The following WWOX variants were observed in gnomAD, a reference collection of about 807,000 sequenced individuals.
WWOX encodes the protein WW domain-containing oxidoreductase.
Under a neutral mutation model 46.2 loss-of-function variants are expected in WWOX, and 69 were observed. The ratio of observed to expected loss-of-function variants is 1.49; its 90% CI spans 1.23 to 1.82. The LOEUF (loss-of-function observed/expected upper bound fraction) is 1.82. Ranked by LOEUF, WWOX falls within the 40% of genes most tolerant of loss-of-function variation. The pLI, the probability that WWOX is intolerant of heterozygous loss-of-function variation, is 0.00. For missense variants in WWOX, 919 were observed against 542.6 expected, an observed-to-expected ratio of 1.69 and a Z score of -6.89; for synonymous variants, 359 against 202.6, an observed-to-expected ratio of 1.77 and a Z score of -6.56.
At chr16:79,147,202 CA>C (rs1450525652) in intron 8 of WWOX, among the ~76,000 whole-genome samples, 3 of 152,176 alleles carry the variant, frequency 2.0e-5, no homozygotes, top group Non-Finnish European at 4.4e-5. Flanking sequence ...AACAGTGCAT[CA>C]CCACAAAATT....
chr16:78,964,146 G>A (rs544444915), intron 8 of WWOX, among the ~76,000 whole-genome samples: 291 of 152,288 alleles, frequency 1.9e-3, no homozygotes, highest in African/African-American at 6.5e-3. Flanking sequence ...AGTAGAGTGG[G>A]GCATTGCTGA....
chr16:78,314,482 C>G (rs1307873524), intron 5 of WWOX, among the ~76,000 whole-genome samples: 1 of 148,892 alleles, frequency 6.7e-6, no homozygotes, highest in Non-Finnish European at 1.5e-5. Flanking sequence ...TACGTTACAG[C>G]AACCACCAAG....
At chr16:78,603,741 A>T (rs2045679464) in intron 8 of WWOX, among the ~76,000 whole-genome samples, 1 of 152,162 alleles carries the variant, frequency 6.6e-6, no homozygotes, top group African/African-American at 2.4e-5. Context: ...TCCTGTAATG[A>T]AATTGAAAGA....
chr16:78,722,512 A>G (rs1163880241), intron 8 of WWOX, among the ~76,000 whole-genome samples: 1 of 152,082 alleles, frequency 6.6e-6, no homozygotes, highest in African/African-American at 2.4e-5. Flanking sequence ...TGTGATTATG[A>G]TCATATTTTA....
At chr16:78,509,455 T>C (rs1341927421) in intron 8 of WWOX, among the ~76,000 whole-genome samples, 1 of 149,882 alleles carries the variant, frequency 6.7e-6, no homozygotes, top group East Asian at 1.9e-4. Context: ...AAAAAAATAA[T>C]ATAATAATAA....
At chr16:78,110,782 A>G (rs1004606175) in intron 3 of WWOX, among the ~76,000 whole-genome samples, 2 of 152,224 alleles carry the variant, frequency 1.3e-5, no homozygotes, top group Non-Finnish European at 2.9e-5. Flanking sequence ...GCTTACTGCC[A>G]GTGACACAGA....
intron 5 of WWOX, among the ~76,000 whole-genome samples, chr16:78,176,550 A>G (rs888095603): frequency 3.9e-5 from 6 of 152,220 alleles, no homozygotes; most frequent in South Asian, 2.1e-4. Flanking sequence ...AGAAACTTCA[A>G]TGCATCTTTG....
At chr16:78,787,141 G>A (rs191304533) in intron 8 of WWOX, among the ~76,000 whole-genome samples, 1 of 152,106 alleles carries the variant, frequency 6.6e-6, no homozygotes, top group Non-Finnish European at 1.5e-5. Context: ...GAGTGAGACT[G>A]TGTCTCAAAA....
At chr16:78,116,369 T>A (rs999106866) in intron 4 of WWOX, among the ~76,000 whole-genome samples, 1 of 152,194 alleles carries the variant, frequency 6.6e-6, no homozygotes, top group South Asian at 2.1e-4. Context: ...AAAAATACAT[T>A]GTTCAAGGGT....
At chr16:78,919,431 G>T (rs146690085) in intron 8 of WWOX, among the ~76,000 whole-genome samples, 316 of 151,992 alleles carry the variant, frequency 2.1e-3, no homozygotes, top group Non-Finnish European at 3.8e-3. Flanking sequence ...ACCATTGGTA[G>T]ATCATCACTT....
intron 8 of WWOX, among the ~76,000 whole-genome samples, chr16:78,735,618 C>T (rs1011225324): frequency 2.0e-5 from 3 of 152,248 alleles, no homozygotes; most frequent in Non-Finnish European, 2.9e-5. Flanking sequence ...CTGCCCTGTA[C>T]ATGAGGAGAC....
intron 8 of WWOX, among the ~76,000 whole-genome samples, chr16:79,100,116 A>C (rs1218217860): frequency 6.6e-6 from 1 of 152,222 alleles, no homozygotes; most frequent in East Asian, 1.9e-4. Context: ...TAAGGGCTTC[A>C]ATCACATCTA....
At chr16:78,713,408 A>T (rs1321074736) in intron 8 of WWOX, among the ~76,000 whole-genome samples, 1 of 150,844 alleles carries the variant, frequency 6.6e-6, no homozygotes, top group African/African-American at 2.4e-5. Context: ...TGCTGTTATT[A>T]TTTGGTATCT....
At chr16:79,043,202 G>GAA (rs112852442) in intron 8 of WWOX, among the ~76,000 whole-genome samples, 6 of 150,936 alleles carry the variant, frequency 4.0e-5, no homozygotes, top group African/African-American at 1.2e-4. Flanking sequence ...TTTTTTAAAT[G>GAA]AAAAAAAAAT....
intron 4 of WWOX, among the ~76,000 whole-genome samples, chr16:78,160,179 TTTTC>T (rs919698233): frequency 3.3e-5 from 5 of 152,188 alleles, no homozygotes; most frequent in African/African-American, 1.2e-4. Context: ...GATCATCATT[TTTTC>T]TTTCTTTCTT....
At chr16:78,928,440 G>A (rs908961634) in intron 8 of WWOX, among the ~76,000 whole-genome samples, 5 of 151,968 alleles carry the variant, frequency 3.3e-5, no homozygotes, top group Non-Finnish European at 5.9e-5. Flanking sequence ...CTGACCTCGT[G>A]ATCTGCCCGC....
intron 8 of WWOX, among the ~76,000 whole-genome samples, chr16:78,523,841 G>A (rs1050679971): frequency 6.6e-6 from 1 of 152,206 alleles, no homozygotes; most frequent in Admixed American, 6.5e-5. Flanking sequence ...GCTCTCAGGG[G>A]AGGCCCATAG....
Position 79,195,777 on chromosome 16 carries a change from A to G in WWOX, c.1057-15831A>G, listed in dbSNP as rs546713932. Among the ~76,000 whole-genome samples the G allele has an allele frequency of 3.3e-5, 5 of 152,344 alleles. No individual in the cohort carries two copies. The East Asian group carries it at 5.8e-4, about 18-fold the overall frequency. ...GGGGAAACACTCCAGGTAGTGGTAC[A>G]TAGAATCCTAGCACAAGATCAGTGA... On this transcript the variant is annotated intron_variant, in intron 8 of 8. Coordinates refer to ENST00000566780, the MANE Select transcript of WWOX (RefSeq NM_016373.4).
intron 8 of WWOX, among the ~76,000 whole-genome samples, chr16:78,633,721 G>C (rs2046496438): frequency 6.6e-6 from 1 of 152,154 alleles, no homozygotes; most frequent in South Asian, 2.1e-4. Flanking sequence ...AGTTGGGCTG[G>C]CAGGCCTGGC....
Sources: allele counts gnomAD v4.1 joint callset (sites outside exome capture counted in the v4.1 genomes callset), GRCh38; gene constraint gnomAD v4.1.1; transcripts MANE v1.5; gene names NCBI Gene and HGNC (gene_info 2026-07-23, HGNC 2026-07-21).